GTF2H3: variants seen among roughly 807,000 people sequenced by gnomAD.
GTF2H3 encodes general transcription factor IIH subunit 3.
A neutral mutation model predicts 51.1 loss-of-function variants in GTF2H3; 42 were observed. The ratio of observed to expected loss-of-function variants is 0.82; its 90% CI spans 0.64 to 1.06. The LOEUF (loss-of-function observed/expected upper bound fraction) is 1.06, where lower values mean the gene tolerates loss of function less well. GTF2H3 is among the 50% of genes least tolerant of loss of function. GTF2H3 has a pLI of 0.00. For synonymous variants in GTF2H3, 123 were observed against 123.8 expected, an observed-to-expected ratio of 0.99 and a Z score of 0.04; for missense variants, 326 against 366.1, an observed-to-expected ratio of 0.89 and a Z score of 0.89.
intron 3 of GTF2H3, among the ~76,000 whole-genome samples, chr12:123,646,613 C>T (rs1955449807): frequency 6.6e-6 from 1 of 152,086 alleles, no homozygotes; most frequent in Non-Finnish European, 1.5e-5. Context: ...TGCTCACCAA[C>T]ATATTTCATA....
intron 2 of GTF2H3, among the ~76,000 whole-genome samples, chr12:123,641,633 A>G (rs11572940): frequency 0.14 from 20,551 of 149,104 alleles, 2,818 homozygotes; most frequent in African/African-American, 0.36. Flanking sequence ...CCATTTCCCC[A>G]TATTTTGATA....
Position 123,661,634 on chromosome 12 carries a change from C to T in GTF2H3, c.*1399C>T, listed in dbSNP as rs1955658728. On this transcript the variant is annotated 3_prime_UTR_variant, in exon 13 of 13. Transcript: ENST00000543341. Reference sequence around the variant, plus strand: ...CCAGCCTGGGTGACAGAGCGAGACTCTGTATCAAAAAAAAAAAAGATCGGG... The same window carrying T: ...CCAGCCTGGGTGACAGAGCGAGACTTTGTATCAAAAAAAAAAAAGATCGGG... 9.7e-6 allele frequency: 1 copy of T among 103,540 alleles called. No individual in the cohort carries two copies. The highest frequency in any genetic ancestry group is 1.8e-5 in the Non-Finnish European group (1 of 57,022). 6.4% of individuals were successfully genotyped at this position (103,540 alleles called of 1,614,324 possible). A position where few individuals can be genotyped will look rare whatever the true frequency, so the allele number is the denominator to read the frequency against.
intron 1 of GTF2H3, among the ~76,000 whole-genome samples, chr12:123,636,852 G>A (rs2072960921): frequency 6.6e-6 from 1 of 152,188 alleles, no homozygotes; most frequent in African/African-American, 2.4e-5. Flanking sequence ...GGGAGGCGGA[G>A]GTTGCGGTGA....
intron 2 of GTF2H3, among the ~76,000 whole-genome samples, chr12:123,642,367 C>T (rs1293258243): frequency 3.3e-5 from 5 of 151,894 alleles, no homozygotes; most frequent in Non-Finnish European, 2.9e-5. Flanking sequence ...GACGGGGTTT[C>T]GCCGTGTTGG....
rs1339303967 is a variant in GTF2H3 at position 123,659,969 on chromosome 12, TG to T, written c.820+45del. On this transcript the variant is annotated intron_variant, in intron 11 of 12. Coordinates refer to ENST00000543341, the MANE Select transcript of GTF2H3 (RefSeq NM_001516.5). ...CCTAGTTTTTCTTTTTTTTCTATGT[TG>T]GGGGGCAGGAAAACAGTTTCTCAGC... is the stretch of plus-strand genomic sequence containing the variant. 5.0e-6 allele frequency: 8 copies of T among 1,605,482 alleles called. No homozygotes were observed. In the African/African-American group the frequency reaches 8.1e-5, roughly 16 times the overall value.
At chr12:123,651,992 T>C (rs1464809214) in intron 5 of GTF2H3, among the ~76,000 whole-genome samples, 1 of 152,226 alleles carries the variant, frequency 6.6e-6, no homozygotes, top group Non-Finnish European at 1.5e-5. Flanking sequence ...ATTTTCTTCT[T>C]GACTTGGGAA....
At chr12:123,636,159 A>T (rs1405128674) in intron 1 of GTF2H3, among the ~76,000 whole-genome samples, 2 of 152,228 alleles carry the variant, frequency 1.3e-5, no homozygotes, top group East Asian at 3.8e-4. Context: ...TATTCAATGT[A>T]AAAAACAAGG....
Position 123,660,036 on chromosome 12 carries a change from T to A in GTF2H3, c.821-10T>A, listed in dbSNP as rs553851586. 7.4e-5 allele frequency: 117 copies of A among 1,589,598 alleles called. No homozygotes were observed. The highest frequency in any genetic ancestry group is 7.3e-4 in the Admixed American group (39 of 53,436). On this transcript the variant is annotated splice_polypyrimidine_tract_variant and intron_variant, in intron 11 of 12. Coordinates refer to ENST00000543341, the MANE Select transcript of GTF2H3 (RefSeq NM_001516.5). Reference sequence around the variant, plus strand: ...CCACCCTATTGTTTCTTTTTTTTTTTAATTTACAGTATTCTGCAATTTCAG... The same window carrying A: ...CCACCCTATTGTTTCTTTTTTTTTTAAATTTACAGTATTCTGCAATTTCAG...
At chr12:123,655,067 C>G in intron 8 of GTF2H3, 69 bp downstream of exon 8, 1 of 1,178,632 alleles carries the variant, frequency 8.5e-7, no homozygotes, top group Middle Eastern at 1.9e-4. Context: ...TTTTTGAATG[C>G]TCTACTCTGA....
chr12:123,636,612 C>T (rs935121300), intron 1 of GTF2H3, among the ~76,000 whole-genome samples: 1 of 152,038 alleles, frequency 6.6e-6, no homozygotes, highest in Admixed American at 6.6e-5. Context: ...CCTGTCTCTA[C>T]AAAAATTTAA....
Position 123,645,405 on chromosome 12 carries a change from G to A in GTF2H3, c.94-50G>A, listed in dbSNP as rs371943448. ...CTTAATTATGTCAAGACCTGACATG[G>A]TTATTTGGATAGCTAATTTGTTTTT... On this transcript the variant is annotated intron_variant, in intron 2 of 12. Transcript: ENST00000543341. The A allele has an allele frequency of 2.0e-5, 20 of 976,412 alleles. No individual in the cohort carries two copies. The African/African-American group carries it at 3.0e-4, about 15-fold the overall frequency. 60.5% of individuals were successfully genotyped at this position (976,412 alleles called of 1,614,324 possible). A position where few individuals can be genotyped will look rare whatever the true frequency, so the allele number is the denominator to read the frequency against.
At chr12:123,642,405 G>A (rs1185080517) in intron 2 of GTF2H3, among the ~76,000 whole-genome samples, 2 of 151,888 alleles carry the variant, frequency 1.3e-5, no homozygotes, top group African/African-American at 2.4e-5. Context: ...TCTTGACCTC[G>A]TGATCCGCCC....
At chr12:123,635,569 T>C (rs1955269126) in intron 1 of GTF2H3, among the ~76,000 whole-genome samples, 1 of 104,594 alleles carries the variant, frequency 9.6e-6, no homozygotes, top group Non-Finnish European at 1.8e-5. Flanking sequence ...CAAGTCTCCG[T>C]CGCAAAAAAA....
At chr12:123,658,889 T>A (rs1955618886) in intron 9 of GTF2H3, among the ~76,000 whole-genome samples, 3 of 152,150 alleles carry the variant, frequency 2.0e-5, no homozygotes, top group Non-Finnish European at 2.9e-5. Flanking sequence ...CATTTCAAAG[T>A]GGGCCAAGGA....
chr12:123,645,148 G>A lies in GTF2H3; in HGVS notation c.94-307G>A, dbSNP rs552091991. ...TACAGTGGTACAATCTTGGCTCACT[G>A]CAGCCTGGCTCTCCAGGGCTTAAGC... On this transcript the variant is annotated intron_variant, in intron 2 of 12. Transcript: ENST00000543341. Among the ~76,000 whole-genome samples the A allele has an allele frequency of 2.4e-4, 36 of 152,302 alleles. No homozygotes were observed. In the South Asian group the frequency reaches 7.3e-3, roughly 31 times the overall value.
chr12:123,636,885 C>T lies in GTF2H3; in HGVS notation c.14-2379C>T, dbSNP rs11572924. 5.5e-3 allele frequency among the ~76,000 whole-genome samples: 840 copies of T among 152,148 alleles called. 29 individuals carry two copies. Among genetic ancestry groups the T allele is most frequent in the Admixed American group, 0.05 (762 of 15,262 alleles). Reference sequence around the variant, plus strand: ...TGAGCCGAGATCGCGCCATTACACTCCACCCTGGGCAACAAGAGCAAAACT... The same window carrying T: ...TGAGCCGAGATCGCGCCATTACACTTCACCCTGGGCAACAAGAGCAAAACT... On this transcript the variant is annotated intron_variant, in intron 1 of 12. Coordinates refer to ENST00000543341, the MANE Select transcript of GTF2H3 (RefSeq NM_001516.5).
chr12:123,639,650 T>A (rs1028642723), intron 2 of GTF2H3, among the ~76,000 whole-genome samples: 2 of 151,930 alleles, frequency 1.3e-5, no homozygotes, highest in Middle Eastern at 6.8e-3. Context: ...TCTGGACATT[T>A]CATGTATTGA....
chr12:123,659,798 G>A lies in GTF2H3; in HGVS notation c.688G>A (p.Val230Met). The A allele has an allele frequency of 6.2e-7, 1 of 1,611,032 alleles. No homozygotes were observed. Among genetic ancestry groups the A allele is most frequent in the South Asian group, 1.1e-5 (1 of 90,164 alleles). ...CTTTTGTTTGTTTGTTTTACAGTGGGTGTTTCTTCCCGATCAAGATCAGAG... is the reference window on the plus strand; with the variant it reads ...CTTTTGTTTGTTTGTTTTACAGTGGATGTTTCTTCCCGATCAAGATCAGAG... Reference protein sequence around the residue: ...MPSLLQYLLWVFLPDQDQRSQ... With the variant: ...MPSLLQYLLWMFLPDQDQRSQ... The change falls in exon 11 of 13, where the codon GTG becomes ATG. Residue 230 changes from valine to methionine, a missense_variant. Val to Met is a conservative substitution (Grantham distance 21, BLOSUM62 1). Coordinates refer to ENST00000543341, the MANE Select transcript of GTF2H3 (RefSeq NM_001516.5).
At position 123,661,397 on chromosome 12, in the gene GTF2H3, C is replaced by T. The variant is rs910293143; in HGVS notation, c.*1162C>T. The T allele has an allele frequency of 2.0e-5, 3 of 152,148 alleles. No individual in the cohort carries two copies. The highest frequency in any genetic ancestry group is 4.4e-5 in the Non-Finnish European group (3 of 68,058). 9.4% of individuals were successfully genotyped at this position (152,148 alleles called of 1,614,324 possible). On this transcript the variant is annotated 3_prime_UTR_variant, in exon 13 of 13. Coordinates refer to ENST00000543341, the MANE Select transcript of GTF2H3 (RefSeq NM_001516.5). ...GTGGCTCACCCCTGCAATCCCAGCA[C>T]TTTGGGAGGCCGAGGCAGGCAGATC...
Sources: allele counts gnomAD v4.1 joint callset (sites outside exome capture counted in the v4.1 genomes callset), GRCh38; gene constraint gnomAD v4.1.1; transcripts MANE v1.5; gene names NCBI Gene and HGNC (gene_info 2026-07-23, HGNC 2026-07-21).